BRI3BP: variants seen among roughly 807,000 people sequenced by gnomAD.
The protein encoded by BRI3BP is BRI3 binding protein, also known as BRI3-binding protein.
A neutral mutation model predicts 15.8 loss-of-function variants in BRI3BP; 7 were observed. The observed-to-expected ratio is 0.44, with a 90% CI of 0.25 to 0.83. The LOEUF (loss-of-function observed/expected upper bound fraction) is 0.83, where lower values mean the gene tolerates loss of function less well. BRI3BP is among the 40% of genes least tolerant of loss of function. The pLI is 0.20. For missense variants in BRI3BP, 320 were observed against 339.3 expected (o/e 0.94, Z 0.45); for synonymous variants, 192 against 163.5 (o/e 1.17, Z -1.33).
intron 1 of BRI3BP, among the ~76,000 whole-genome samples, chr12:125,008,076 G>A (rs1290600863): frequency 1.3e-5 from 2 of 151,536 alleles, no homozygotes; most frequent in Admixed American, 6.6e-5. Context: ...GGGGCCCTGA[G>A]AGTCTGCATT....
At chr12:125,042,625 C>T in the BRI3BP span, among the ~76,000 whole-genome samples, 1 of 151,976 alleles carries the variant, frequency 6.6e-6, no homozygotes, top group Non-Finnish European at 1.5e-5. Context: ...ACCTCTGCCT[C>T]CTGGGTTCAA....
rs1461050470 is a variant in BRI3BP, at chr12:125,028,919, A to G, written c.*3489A>G. ...GGAGAGAAACCTTTTTTCTATCTTC[A>G]GGGCTGTAGAATATATTAGCGTAAC... On this transcript the variant is annotated 3_prime_UTR_variant, in exon 3 of 3. Coordinates refer to ENST00000341446, the MANE Select transcript of BRI3BP (RefSeq NM_080626.6). 1 of 152,034 alleles carries G rather than the reference A, an allele frequency of 6.6e-6. No individual in the cohort carries two copies. The highest frequency in any genetic ancestry group is 1.5e-5 in the Non-Finnish European group (1 of 68,022). 9.4% of individuals were successfully genotyped at this position (152,034 alleles called of 1,614,324 possible).
At chr12:125,037,697 A>G in the BRI3BP span, among the ~76,000 whole-genome samples, 1 of 152,000 alleles carries the variant, frequency 6.6e-6, no homozygotes, top group Non-Finnish European at 1.5e-5. Flanking sequence ...CTGTAATCCC[A>G]ACTACTTGGG....
At chr12:125,019,953 CTTTTTTTTTTTT>C (rs71092263) in intron 2 of BRI3BP, among the ~76,000 whole-genome samples, 1 of 75,088 alleles carries the variant, frequency 1.3e-5, no homozygotes, top group Admixed American at 1.8e-4. Context: ...CAACAACAGA[CTTTTTTTTTTTT>C]TTTTTTTTTT....
chr12:125,034,941 C>A (rs978121018), downstream of BRI3BP, among the ~76,000 whole-genome samples: 39 of 152,108 alleles, frequency 2.6e-4, no homozygotes, highest in African/African-American at 9.2e-4. Context: ...GCATGTGTCT[C>A]CCCATGCCCA....
At chr12:125,016,910 C>G (rs971036032) in intron 2 of BRI3BP, among the ~76,000 whole-genome samples, 6 of 146,888 alleles carry the variant, frequency 4.1e-5, no homozygotes, top group Non-Finnish European at 5.9e-5. Context: ...TCCCAGCTCA[C>G]TGCAACCTCC....
intron 1 of BRI3BP, among the ~76,000 whole-genome samples, chr12:125,005,395 A>C (rs1191888108): frequency 6.6e-6 from 1 of 152,180 alleles, no homozygotes; most frequent in East Asian, 1.9e-4. Context: ...CATCTCCACC[A>C]TCTGCATCTG....
In BRI3BP at chr12:125,019,229, C is replaced by T. The variant is rs751964722; in HGVS notation, c.317-5762C>T. The stretch of plus-strand genomic sequence containing the variant: ...AGACGGTGCCCCTTTGCTGTCAGAA[C>T]GTGCAGGGCCACTCGTGTTTTCTTT... On this transcript the variant is annotated intron_variant, in intron 2 of 2. Coordinates refer to ENST00000341446, the MANE Select transcript of BRI3BP (RefSeq NM_080626.6). Among the ~76,000 whole-genome samples, 8 of 152,122 alleles carry T rather than the reference C, an allele frequency of 5.3e-5. 1 individual carries two copies. The highest frequency in any genetic ancestry group is 2.1e-4 in the South Asian group (1 of 4,830).
At chr12:124,994,323 G>A (rs1436801821) in intron 1 of BRI3BP, among the ~76,000 whole-genome samples, 1 of 152,042 alleles carries the variant, frequency 6.6e-6, no homozygotes, top group East Asian at 1.9e-4. Context: ...TTCATTCACC[G>A]CGTTTGAATG....
At chr12:125,019,443 C>T (rs542851942) in intron 2 of BRI3BP, among the ~76,000 whole-genome samples, 1 of 151,992 alleles carries the variant, frequency 6.6e-6, no homozygotes, top group South Asian at 2.1e-4. Context: ...TCAGAGGAAC[C>T]CCAGGAGGTC....
At chr12:125,011,928 C>T (rs1272004069) in intron 1 of BRI3BP, among the ~76,000 whole-genome samples, 3 of 152,144 alleles carry the variant, frequency 2.0e-5, no homozygotes, top group Admixed American at 6.6e-5. Context: ...CAGTGTTTCA[C>T]GCCTATAATC....
chr12:125,039,773 G>T, the BRI3BP span, among the ~76,000 whole-genome samples: 1 of 151,360 alleles, frequency 6.6e-6, no homozygotes, highest in African/African-American at 2.4e-5. Flanking sequence ...TGTGGTCTGG[G>T]TTCCTCCAGT....
chr12:125,036,488 C>T, the BRI3BP span, among the ~76,000 whole-genome samples: 1 of 151,786 alleles, frequency 6.6e-6, no homozygotes, highest in Non-Finnish European at 1.5e-5. Context: ...ATATTGGTGG[C>T]TTCAATGTAG....
In BRI3BP at chr12:125,019,660, C is replaced by CTTTTTTTTTT. The variant is rs1955278838; in HGVS notation, c.317-5325_317-5324insTTTTTTTTTT. Among the ~76,000 whole-genome samples, 183 of 24,690 alleles carry CTTTTTTTTTT rather than the reference C, an allele frequency of 7.4e-3. 23 individuals are homozygous for CTTTTTTTTTT. The highest frequency in any genetic ancestry group is 0.019 in the African/African-American group (150 of 7,698). The allele number at this position is 24,690 out of a possible 152,430, so 16.2% of individuals were successfully genotyped here. On this transcript the variant is annotated intron_variant, in intron 2 of 2. Transcript: ENST00000341446. ...CTTTTTTTTTTTTTTTTTTTTTTGC[C>CTTTTTTTTTT]TTTTTTGCTGTGAGTACTTGAAAAT...
intron 1 of BRI3BP, among the ~76,000 whole-genome samples, chr12:125,006,467 T>G (rs1955145126): frequency 6.6e-6 from 1 of 152,210 alleles, no homozygotes; most frequent in African/African-American, 2.4e-5. Context: ...ACCTACACCT[T>G]TCTTAGCACT....
chr12:125,038,200 C>T, the BRI3BP span, among the ~76,000 whole-genome samples: 3 of 150,706 alleles, frequency 2.0e-5, no homozygotes, highest in African/African-American at 7.4e-5. Context: ...TCACTTGTGC[C>T]TTGGGGGCAG....
At chr12:125,018,689 T>C (rs1212951201) in intron 2 of BRI3BP, among the ~76,000 whole-genome samples, 1 of 150,566 alleles carries the variant, frequency 6.6e-6, no homozygotes, top group Non-Finnish European at 1.5e-5. Context: ...TTTTTTTTTT[T>C]CTTTTCTTGA....
At chr12:125,044,340 G>A in the BRI3BP span, among the ~76,000 whole-genome samples, 1 of 151,942 alleles carries the variant, frequency 6.6e-6, no homozygotes, top group Non-Finnish European at 1.5e-5. Flanking sequence ...TAGTAGAGAC[G>A]GGGTTTCACC....
chr12:125,045,668 C>T, the BRI3BP span, among the ~76,000 whole-genome samples: 1 of 152,144 alleles, frequency 6.6e-6, no homozygotes, highest in African/African-American at 2.4e-5. Flanking sequence ...GCCTCCCCAC[C>T]CTTGTGACCT....
Sources: gnomAD v4.1 joint callset for allele counts (sites outside exome capture counted in the v4.1 genomes callset) on GRCh38, gnomAD v4.1.1 for gene constraint, MANE v1.5 for transcripts, NCBI Gene and HGNC (gene_info 2026-07-23, HGNC 2026-07-21) for gene names.